MFSD11: variants seen among roughly 807,000 people sequenced by gnomAD.
The protein encoded by MFSD11 is UNC93-like protein MFSD11.
A neutral mutation model predicts 53.5 loss-of-function variants in MFSD11; 36 were observed. The ratio of observed to expected loss-of-function variants is 0.67; its 90% CI spans 0.52 to 0.89. MFSD11 has a LOEUF of 0.89. Ranked by LOEUF, MFSD11 falls within the 40% of genes least tolerant of loss-of-function variation. The pLI is 0.00. For missense variants in MFSD11, 530 were observed against 543.9 expected, an observed-to-expected ratio of 0.97 and a Z score of 0.25; for synonymous variants, 186 against 184.9, an observed-to-expected ratio of 1.01 and a Z score of -0.05.
chr17:76,794,462 G>T, the MFSD11 span, among the ~76,000 whole-genome samples: 1 of 126,650 alleles, frequency 7.9e-6, no homozygotes, highest in South Asian at 2.5e-4. Context: ...GGGTGAAAGA[G>T]CGAGACTCCG....
chr17:76,736,836 T>C (rs2143944300), upstream of MFSD11: 1 of 1,603,422 alleles, frequency 6.2e-7, no homozygotes, highest in Non-Finnish European at 8.5e-7. Flanking sequence ...CCCCCGTACC[T>C]GCGGGGTGGC....
At chr17:76,774,544 G>A (rs2081643920) in intron 10 of MFSD11, among the ~76,000 whole-genome samples, 1 of 152,194 alleles carries the variant, frequency 6.6e-6, no homozygotes, top group South Asian at 2.1e-4. Context: ...TAGCTGTTCT[G>A]GCTGCTGACT....
chr17:76,768,973 A>G (rs2081127710), intron 9 of MFSD11, among the ~76,000 whole-genome samples: 1 of 150,302 alleles, frequency 6.7e-6, no homozygotes, highest in South Asian at 2.1e-4. Context: ...GCAACAGAGC[A>G]AGACTCTCTC....
chr17:76,739,515 G>A (rs557780168), intron 2 of MFSD11, among the ~76,000 whole-genome samples: 1 of 152,278 alleles, frequency 6.6e-6, no homozygotes, highest in African/African-American at 2.4e-5. Context: ...CTTGTGATTG[G>A]ACCTGAGAAT....
the MFSD11 span, among the ~76,000 whole-genome samples, chr17:76,803,013 C>T: frequency 3.2e-4 from 49 of 152,004 alleles, no homozygotes; most frequent in Admixed American, 1.1e-3. Flanking sequence ...AAAAATTAGC[C>T]GGGCGTGGTG....
At chr17:76,759,954 G>C (rs1163817447) in intron 8 of MFSD11, among the ~76,000 whole-genome samples, 1 of 151,482 alleles carries the variant, frequency 6.6e-6, no homozygotes, top group African/African-American at 2.4e-5. Context: ...AAGTCAGCTA[G>C]AGAAAAGAAA....
intron 12 of MFSD11, 41 bp from the exon 13 acceptor site, chr17:76,778,147 C>G (rs759467703): frequency 1.2e-6 from 2 of 1,607,496 alleles, no homozygotes; most frequent in Non-Finnish European, 1.7e-6. Flanking sequence ...CTCAGTGTGG[C>G]CCCCGGTGCG....
downstream of MFSD11, among the ~76,000 whole-genome samples, chr17:76,782,928 T>G (rs578067116): frequency 1.1e-4 from 17 of 151,824 alleles, no homozygotes; most frequent in Non-Finnish European, 1.8e-4. Flanking sequence ...CCTATAATCA[T>G]AGCACTTTGG....
the MFSD11 span, among the ~76,000 whole-genome samples, chr17:76,788,124 T>G: frequency 6.7e-6 from 1 of 148,770 alleles, no homozygotes; most frequent in Non-Finnish European, 1.5e-5. Context: ...CACTGCAAGC[T>G]CCGCCTCCTG....
At position 76,760,006 on chromosome 17, in the gene MFSD11, T is replaced by G. The variant is rs548462754; in HGVS notation, c.682+5919T>G. ...AAGGAGACTGGGCCTGGTGGCTCAT[T>G]CCTGTAATTTCAGCACTTTGGGAGG... On this transcript the variant is annotated intron_variant, in intron 8 of 12. Coordinates refer to ENST00000685175, the MANE Select transcript of MFSD11 (RefSeq NM_001242532.5). 8.0e-4 allele frequency among the ~76,000 whole-genome samples: 121 copies of G among 151,692 alleles called. No homozygotes were observed. In the South Asian group the frequency reaches 0.013, roughly 16 times the overall value.
At chr17:76,785,978 G>A (rs1280473617), downstream of MFSD11, among the ~76,000 whole-genome samples, 1 of 150,558 alleles carries the variant, frequency 6.6e-6, no homozygotes, top group Admixed American at 6.6e-5. Flanking sequence ...GGGAGGCTGA[G>A]GCACGAGCAT....
At chr17:76,796,673 C>T in the MFSD11 span, among the ~76,000 whole-genome samples, 1 of 152,060 alleles carries the variant, frequency 6.6e-6, no homozygotes, top group Non-Finnish European at 1.5e-5. Context: ...TTGGATTTCA[C>T]ACAAGAAAGA....
chr17:76,786,364 C>T (rs896054195), downstream of MFSD11, among the ~76,000 whole-genome samples: 2 of 151,894 alleles, frequency 1.3e-5, no homozygotes, highest in East Asian at 2.0e-4. Flanking sequence ...AGGCTGGTCT[C>T]GAACTGACCT....
At chr17:76,760,567 G>T (rs1479747318) in intron 8 of MFSD11, among the ~76,000 whole-genome samples, 1 of 151,334 alleles carries the variant, frequency 6.6e-6, no homozygotes. Context: ...TTTCGCTCTT[G>T]TCACCCAGGC....
upstream of MFSD11, chr17:76,737,244 G>T (rs759114795): frequency 2.8e-6 from 4 of 1,452,978 alleles, no homozygotes; most frequent in Non-Finnish European, 3.6e-6. Context: ...CTCTCAGGCA[G>T]TTGCCTTCCG....
chr17:76,750,867 G>A (rs1028325625), intron 7 of MFSD11, among the ~76,000 whole-genome samples: 10 of 149,954 alleles, frequency 6.7e-5, no homozygotes, highest in African/African-American at 9.8e-5. Flanking sequence ...GCAGTGACAC[G>A]GTCTAGGCTC....
chr17:76,795,360 G>A, the MFSD11 span, among the ~76,000 whole-genome samples: 4 of 150,958 alleles, frequency 2.6e-5, no homozygotes, highest in South Asian at 4.2e-4. Flanking sequence ...GTGGTGGCGT[G>A]AGCCTGTAAT....
At chr17:76,756,850 A>G (rs2079689686) in intron 8 of MFSD11, among the ~76,000 whole-genome samples, 1 of 149,278 alleles carries the variant, frequency 6.7e-6, no homozygotes, top group East Asian at 2.0e-4. Flanking sequence ...ACAGAGTGAG[A>G]CTCCATCTCA....
intron 5 of MFSD11, among the ~76,000 whole-genome samples, chr17:76,742,744 T>G (rs1162809878): frequency 6.6e-6 from 1 of 152,136 alleles, no homozygotes; most frequent in African/African-American, 2.4e-5. Flanking sequence ...GACCTTGTGA[T>G]CCGCCCGCCT....
Sources: gnomAD v4.1 joint callset for allele counts (sites outside exome capture counted in the v4.1 genomes callset) on GRCh38, gnomAD v4.1.1 for gene constraint, MANE v1.5 for transcripts, NCBI Gene and HGNC (gene_info 2026-07-23, HGNC 2026-07-21) for gene names.